TRAPPC8: variants seen among roughly 807,000 people sequenced by gnomAD.
The protein encoded by TRAPPC8 is trafficking protein particle complex subunit 8.
TRAPPC8 carries 54 observed loss-of-function variants against 174.3 expected under a neutral mutation model. That is an observed-to-expected ratio of 0.31 (90% CI 0.25 to 0.39). The LOEUF (loss-of-function observed/expected upper bound fraction) is 0.39, where lower values mean the gene tolerates loss of function less well. Among genes scored for constraint, TRAPPC8 ranks in the 10% least tolerant of loss-of-function variants. The probability of loss-of-function intolerance (pLI) is 1.00; values close to 1 mark genes in which losing one functional copy is unlikely to be tolerated. For synonymous variants in TRAPPC8, 630 were observed against 579.9 expected (o/e 1.09, Z -1.24); for missense variants, 1,531 against 1,699.1 (o/e 0.90, Z 1.74).
At chr18:31,942,312 C>G (rs1450259022) in intron 1 of TRAPPC8, among the ~76,000 whole-genome samples, 1 of 152,218 alleles carries the variant, frequency 6.6e-6, no homozygotes, top group Non-Finnish European at 1.5e-5. Flanking sequence ...GGAGAACAGT[C>G]TCAATGCCGT....
chr18:31,939,895 A>C (rs1453490613), intron 1 of TRAPPC8, among the ~76,000 whole-genome samples: 1 of 152,060 alleles, frequency 6.6e-6, no homozygotes, highest in African/African-American at 2.4e-5. Flanking sequence ...AACAAACAAA[A>C]AAACTCCTTC....
chr18:31,892,331 C>T (rs556751902), intron 11 of TRAPPC8, among the ~76,000 whole-genome samples: 6 of 152,126 alleles, frequency 3.9e-5, no homozygotes, highest in African/African-American at 7.2e-5. Context: ...TATTTTGATA[C>T]GTAAGTGGTA....
chr18:31,845,047 G>C (rs1047869711), intron 26 of TRAPPC8: 2 of 151,904 alleles, frequency 1.3e-5, no homozygotes, highest in African/African-American at 4.8e-5. Context: ...CGGATCACGA[G>C]GTCAGGAGAT....
At chr18:31,923,364 A>G (rs985415543) in intron 2 of TRAPPC8, among the ~76,000 whole-genome samples, 4 of 152,212 alleles carry the variant, frequency 2.6e-5, no homozygotes, top group Admixed American at 6.5e-5. Flanking sequence ...ATCCCTGTAT[A>G]TAACAGACTT....
At chr18:31,859,325 TAGA>T (rs1313650191) in intron 19 of TRAPPC8, among the ~76,000 whole-genome samples, 1 of 152,038 alleles carries the variant, frequency 6.6e-6, no homozygotes, top group Non-Finnish European at 1.5e-5. Context: ...TTGGGGACAT[TAGA>T]AGCTTTAAAA....
At chr18:31,858,323 C>T (rs1284829035) in intron 19 of TRAPPC8, among the ~76,000 whole-genome samples, 1 of 152,134 alleles carries the variant, frequency 6.6e-6, no homozygotes, top group Non-Finnish European at 1.5e-5. Context: ...AAGTAAATAT[C>T]AGTTTTATAA....
chr18:31,893,229 T>C (rs571831577), intron 11 of TRAPPC8, among the ~76,000 whole-genome samples: 10 of 152,134 alleles, frequency 6.6e-5, no homozygotes, highest in Middle Eastern at 3.2e-3. Flanking sequence ...ATTTTGCAAA[T>C]AGTATTTTCC....
At chr18:31,859,014 G>A (rs893467510) in intron 19 of TRAPPC8, among the ~76,000 whole-genome samples, 1 of 152,122 alleles carries the variant, frequency 6.6e-6, no homozygotes, top group African/African-American at 2.4e-5. Flanking sequence ...GACTGCTCGA[G>A]CCCAGGAAGC....
intron 2 of TRAPPC8, among the ~76,000 whole-genome samples, chr18:31,926,980 TTACTTAGAAGCACA>T (rs879668220): frequency 1.3e-5 from 2 of 152,198 alleles, no homozygotes; most frequent in African/African-American, 2.4e-5. Flanking sequence ...TATAAAAATA[TTACTTAGAAGCACA>T]TAATCAATAC....
At chr18:31,844,346 A>G (rs1356777953) in intron 26 of TRAPPC8, 2 of 152,230 alleles carry the variant, frequency 1.3e-5, no homozygotes, top group African/African-American at 4.8e-5. Flanking sequence ...TTGGTCTGGA[A>G]GAGAAAGATT....
At chr18:31,912,841 G>T (rs970554731) in intron 5 of TRAPPC8, among the ~76,000 whole-genome samples, 1 of 152,094 alleles carries the variant, frequency 6.6e-6, no homozygotes, top group Non-Finnish European at 1.5e-5. Context: ...TTAAGAAAGA[G>T]ATCAGTCCAG....
chr18:31,908,830 C>T lies in TRAPPC8; in HGVS notation c.1046G>A (p.Arg349Gln), dbSNP rs867143815. The change falls in exon 7 of 29, where the codon CGA (arginine) becomes CAA (glutamine). Residue 349 changes from arginine (R) to glutamine (Q), a missense_variant. Transcript: ENST00000283351. ...AAATGTGAACTCTTGTATAAACTGT[C>T]GAATTCTATCATGATCAGTAAGTGT... The part of the protein sequence containing the change: ...CLTLTDHDRI[R>Q]QFIQEFTFRG... 7 of 1,613,396 alleles carry T rather than the reference C, an allele frequency of 4.3e-6. No homozygotes were observed. The highest frequency in any genetic ancestry group is 1.3e-5 in the African/African-American group (1 of 74,874).
At chr18:31,862,020 CT>C (rs2034354687) in intron 19 of TRAPPC8, among the ~76,000 whole-genome samples, 1 of 150,620 alleles carries the variant, frequency 6.6e-6, no homozygotes, top group African/African-American at 2.4e-5. Flanking sequence ...ATTTTGGTGT[CT>C]TACACTGATT....
intron 12 of TRAPPC8, among the ~76,000 whole-genome samples, chr18:31,879,199 T>C (rs1249181732): frequency 6.6e-5 from 10 of 152,188 alleles, no homozygotes; most frequent in Admixed American, 2.0e-4. Flanking sequence ...GCATGGAACA[T>C]TCTCTGAAGT....
intron 15 of TRAPPC8, 113 bp downstream of exon 15, chr18:31,870,813 C>T (rs934251269): frequency 1.9e-4 from 191 of 1,014,054 alleles, no homozygotes; most frequent in Non-Finnish European, 2.5e-4. Context: ...TTATGAGTTC[C>T]TAATTTATTT....
At chr18:31,904,167 G>A (rs1045012982) in intron 9 of TRAPPC8, among the ~76,000 whole-genome samples, 2 of 151,770 alleles carry the variant, frequency 1.3e-5, no homozygotes, top group African/African-American at 4.8e-5. Flanking sequence ...AGCCCAGGAG[G>A]TGGAGGCTGC....
At chr18:31,856,112 CTTTT>C (rs138809726) in intron 20 of TRAPPC8, among the ~76,000 whole-genome samples, 9 of 148,716 alleles carry the variant, frequency 6.1e-5, no homozygotes, top group African/African-American at 2.0e-4. Flanking sequence ...CTTTCTCTCT[CTTTT>C]TTTTTTGAGA....
At chr18:31,878,892 A>G (rs537367466) in intron 12 of TRAPPC8, among the ~76,000 whole-genome samples, 4 of 152,364 alleles carry the variant, frequency 2.6e-5, no homozygotes, top group Admixed American at 6.5e-5. Flanking sequence ...AGGGAATTAT[A>G]TAATGATAAA....
intron 2 of TRAPPC8, among the ~76,000 whole-genome samples, chr18:31,930,856 CT>C (rs1231745231): frequency 2.6e-5 from 4 of 151,970 alleles, no homozygotes; most frequent in African/African-American, 4.8e-5. Context: ...ATGAGACCCC[CT>C]ATCTCTATAA....
Sources: allele counts gnomAD v4.1 joint callset (sites outside exome capture counted in the v4.1 genomes callset), GRCh38; gene constraint gnomAD v4.1.1; transcripts MANE v1.5; gene names NCBI Gene and HGNC (gene_info 2026-07-23, HGNC 2026-07-21).